The following TAS2R1 variants were observed in gnomAD, a reference collection of about 807,000 sequenced individuals.
The protein encoded by TAS2R1 is taste 2 receptor member 1, also known as taste receptor type 2 member 1.
For missense variants in TAS2R1, 370 were observed against 353.4 expected, an observed-to-expected ratio of 1.05 and a Z score of -0.38; for synonymous variants, 141 against 134.2, an observed-to-expected ratio of 1.05 and a Z score of -0.35.
At chr5:9,670,339 A>G (rs1740724625) in intron 1 of TAS2R1, among the ~76,000 whole-genome samples, 1 of 152,190 alleles carries the variant, frequency 6.6e-6, no homozygotes, top group Non-Finnish European at 1.5e-5. Context: ...GGAGGTGTAA[A>G]CAGACTGTAA....
chr5:9,902,748 A>G, the TAS2R1 span: 1 of 151,980 alleles, frequency 6.6e-6, no homozygotes, highest in Non-Finnish European at 1.5e-5. Context: ...CTCAGCGTGG[A>G]CAGGTCTGAA....
At chr5:9,849,963 T>C in the TAS2R1 span, among the ~76,000 whole-genome samples, 31 of 152,192 alleles carry the variant, frequency 2.0e-4, 1 homozygote, top group Non-Finnish European at 4.1e-4. Context: ...ATCCTCAGCA[T>C]ATCTTTTCCA....
At chr5:9,858,679 A>C in the TAS2R1 span, among the ~76,000 whole-genome samples, 7 of 152,238 alleles carry the variant, frequency 4.6e-5, no homozygotes, top group African/African-American at 1.7e-4. Flanking sequence ...AACAAAGATT[A>C]GTCTCTGGGA....
chr5:9,718,737 C>G, the TAS2R1 span, among the ~76,000 whole-genome samples: 6 of 152,232 alleles, frequency 3.9e-5, no homozygotes, highest in African/African-American at 1.4e-4. Flanking sequence ...GTATGTGCTT[C>G]CAGAAGGGAT....
At chr5:9,835,634 A>G in the TAS2R1 span, among the ~76,000 whole-genome samples, 1 of 152,222 alleles carries the variant, frequency 6.6e-6, no homozygotes, top group Non-Finnish European at 1.5e-5. Context: ...AGCCCGCATG[A>G]AAGACGAGTG....
At chr5:9,896,609 G>A in the TAS2R1 span, among the ~76,000 whole-genome samples, 1 of 152,092 alleles carries the variant, frequency 6.6e-6, no homozygotes, top group Admixed American at 6.5e-5. Context: ...ACTTTCTATG[G>A]AAAGTATTCC....
intron 2 of TAS2R1, among the ~76,000 whole-genome samples, chr5:9,639,396 G>C (rs1183033159): frequency 6.6e-6 from 1 of 152,184 alleles, no homozygotes; most frequent in Admixed American, 6.5e-5. Context: ...TGGATTTTCA[G>C]ATTCCCCAGT....
chr5:9,831,408 T>C, the TAS2R1 span, among the ~76,000 whole-genome samples: 1 of 152,162 alleles, frequency 6.6e-6, no homozygotes, highest in Non-Finnish European at 1.5e-5. Context: ...TAAAATTTTA[T>C]AGCATTTAGA....
At chr5:9,855,522 C>G in the TAS2R1 span, among the ~76,000 whole-genome samples, 294 of 152,296 alleles carry the variant, frequency 1.9e-3, 2 homozygotes, top group African/African-American at 6.4e-3. Flanking sequence ...AGTGCATGCT[C>G]TCAGCAGCAT....
the TAS2R1 span, among the ~76,000 whole-genome samples, chr5:9,880,299 C>T: frequency 1.3e-5 from 2 of 152,242 alleles, no homozygotes; most frequent in South Asian, 2.1e-4. Flanking sequence ...CTGGGGAAGA[C>T]ACCTGCTTCC....
In TAS2R1 at chr5:9,630,024, C is replaced by T; in HGVS notation, c.9G>A (p.Glu3=). Residue 3 remains glutamate (E), a synonymous_variant, in exon 1 of 1, where the codon GAG becomes GAA. Coordinates refer to ENST00000382492, the MANE Select transcript of TAS2R1 (RefSeq NM_019599.3). The part of the protein sequence containing the change: ML[E]SHLIIYFLLA... ...GAAGAAAATAGATAATGAGGTGAGA[C>T]TCTAGCATTTTAGGAATAAAAAATT... is the stretch of plus-strand genomic sequence containing the variant. 10 of 1,557,992 alleles carry T rather than the reference C, an allele frequency of 6.4e-6. No homozygotes were observed. Among genetic ancestry groups the T allele is most frequent in the Non-Finnish European group, 8.6e-6 (10 of 1,157,556 alleles).
At chr5:9,847,074 C>T in the TAS2R1 span, among the ~76,000 whole-genome samples, 1 of 152,194 alleles carries the variant, frequency 6.6e-6, no homozygotes, top group Admixed American at 6.5e-5. Context: ...TCTAGCAAGT[C>T]CCATATAGGC....
At chr5:9,761,414 G>GAA in the TAS2R1 span, among the ~76,000 whole-genome samples, 28 of 114,928 alleles carry the variant, frequency 2.4e-4, 1 homozygote, top group African/African-American at 6.7e-4. Context: ...TCAAGTCCCA[G>GAA]AAAAAAAAAA....
the TAS2R1 span, among the ~76,000 whole-genome samples, chr5:9,839,648 A>T: frequency 6.6e-6 from 1 of 152,208 alleles, no homozygotes; most frequent in East Asian, 1.9e-4. Context: ...TAAAGAATGA[A>T]CAGACAAAAT....
the TAS2R1 span, among the ~76,000 whole-genome samples, chr5:9,721,693 A>G: frequency 6.6e-6 from 1 of 152,248 alleles, no homozygotes; most frequent in African/African-American, 2.4e-5. Flanking sequence ...TGACAGTTTA[A>G]CTGCTTAGAG....
chr5:9,805,451 A>C, the TAS2R1 span, among the ~76,000 whole-genome samples: 3 of 152,076 alleles, frequency 2.0e-5, no homozygotes, highest in Non-Finnish European at 2.9e-5. Flanking sequence ...AAAAAAATGG[A>C]AACTACAGAC....
At chr5:9,865,643 C>T in the TAS2R1 span, among the ~76,000 whole-genome samples, 1 of 152,156 alleles carries the variant, frequency 6.6e-6, no homozygotes, top group Non-Finnish European at 1.5e-5. Context: ...TTCCACTTTG[C>T]TTTTGAAGAA....
intron 1 of TAS2R1, among the ~76,000 whole-genome samples, chr5:9,678,184 C>T (rs1740915324): frequency 6.6e-6 from 1 of 151,854 alleles, no homozygotes; most frequent in Non-Finnish European, 1.5e-5. Flanking sequence ...TGAAAAAAAC[C>T]TCAACATCAC....
At chr5:9,878,917 A>G in the TAS2R1 span, among the ~76,000 whole-genome samples, 3 of 152,222 alleles carry the variant, frequency 2.0e-5, no homozygotes, top group Non-Finnish European at 2.9e-5. Context: ...GAGTGCAGAC[A>G]TAAAGAAGCA....
Sources: allele counts gnomAD v4.1 joint callset (sites outside exome capture counted in the v4.1 genomes callset), GRCh38; gene constraint gnomAD v4.1.1; transcripts MANE v1.5; gene names NCBI Gene and HGNC (gene_info 2026-07-23, HGNC 2026-07-21).